The following RTKN variants were observed in gnomAD, a reference collection of about 807,000 sequenced individuals.
The protein encoded by RTKN is rhotekin.
In RTKN, 49 loss-of-function variants were observed where a neutral mutation model predicts 63.5. That is an observed-to-expected ratio of 0.77 (90% CI 0.61 to 0.98). The LOEUF is 0.98. RTKN is among the 50% of genes least tolerant of loss of function. The pLI is 0.00. For synonymous variants in RTKN, 295 were observed against 290.4 expected, an observed-to-expected ratio of 1.02 and a Z score of -0.16; for missense variants, 685 against 740.8, an observed-to-expected ratio of 0.92 and a Z score of 0.87.
intron 1 of RTKN, among the ~76,000 whole-genome samples, chr2:74,438,444 AC>A (rs1435019684): frequency 6.7e-6 from 1 of 150,246 alleles, no homozygotes; most frequent in Non-Finnish European, 1.5e-5. Context: ...CCAACCCTCC[AC>A]CCCCAACCCT....
chr2:74,441,794 C>T lies in RTKN; in HGVS notation c.23G>A (p.Ser8Asn). Residue 8 changes from serine (S) to asparagine (N), a missense_variant, in exon 1 of 12, where the codon AGC becomes AAC. Coordinates refer to ENST00000272430, the MANE Select transcript of RTKN (RefSeq NM_001015055.2). The stretch of plus-strand genomic sequence containing the variant: ...GGAGCCCCTGGCCACGGTGACCCGG[C>T]TCCGGTGGTTTCGGGAGAACATGCT... MFSRNHR[S>N]RVTVARGSAL... 1 of 1,611,212 alleles carries T rather than the reference C, an allele frequency of 6.2e-7. No homozygotes were observed. Among genetic ancestry groups the T allele is most frequent in the South Asian group, 1.1e-5 (1 of 90,428 alleles).
Position 74,428,885 on chromosome 2 carries a change from A to C in RTKN, c.813T>G (p.Asp271Glu). The change falls in exon 7 of 12, where the codon GAT becomes GAG. Residue 271 changes from aspartate to glutamate, a missense_variant. Asp to Glu is a conservative substitution (Grantham distance 45). Coordinates refer to ENST00000272430, the MANE Select transcript of RTKN (RefSeq NM_001015055.2). ...GGGTGAGGTCATGTGTGCGGAATCC[A>C]TCTTGCACTGCTGCCAGGGTGAGTG... ...HTTLTLAAVQ[D>E]GFRTHDLTLA... is the part of the protein sequence containing the mutation. The C allele has an allele frequency of 6.2e-7, 1 of 1,614,124 alleles. No homozygotes were observed. Among genetic ancestry groups the C allele is most frequent in the Non-Finnish European group, 8.5e-7 (1 of 1,180,020 alleles).
chr2:74,427,506 C>T lies in RTKN; in HGVS notation c.1173G>A (p.Glu391=), dbSNP rs759579834. ...TTTCTGTCTGAAGGGTGTGTGTCAC[C>T]TCATCATCCCCATACTGGTTACTGA... is the stretch of plus-strand genomic sequence containing the variant. The part of the protein sequence containing the change: ...LSISNQYGDD[E]VTHTLQTESR... The change falls in exon 10 of 12, where the codon GAG becomes GAA. Residue 391 remains glutamate, a synonymous_variant. Coordinates refer to ENST00000272430, the MANE Select transcript of RTKN (RefSeq NM_001015055.2). The T allele has an allele frequency of 3.7e-6, 6 of 1,614,188 alleles. No homozygotes were observed. The South Asian group carries it at 6.6e-5, about 18-fold the overall frequency.
In RTKN at chr2:74,436,131, G is replaced by A. The variant is rs1364629212; in HGVS notation, c.112-3465C>T. 6.6e-6 allele frequency among the ~76,000 whole-genome samples: 1 copy of A among 152,206 alleles called. No homozygotes were observed. ...AAATGGGTGAGCCTGGCAGGAGGGG[G>A]ACACGGAGGTGTCCTCAACCCCCAT... On this transcript the variant is annotated intron_variant, in intron 1 of 11. Transcript: ENST00000272430. This position sits in a 1 kb window ranked among gnomAD's most constrained non-coding sequence, Gnocchi z 4.3.
In RTKN at chr2:74,432,679, G is replaced by C. The variant is rs780776047; in HGVS notation, c.112-13C>G. 1.9e-6 allele frequency: 3 copies of C among 1,613,170 alleles called. No homozygotes were observed. The South Asian group carries it at 3.3e-5, about 18-fold the overall frequency. The stretch of plus-strand genomic sequence containing the variant: ...GCAACTCCGTGTCCTAGCCAGGGTT[G>C]GGGGAAGGGTGAGAAGGAAATGTCA... On this transcript the variant is annotated splice_polypyrimidine_tract_variant and intron_variant, in intron 1 of 11. Transcript: ENST00000272430.
At chr2:74,441,373 T>C (rs955134882) in intron 1 of RTKN, among the ~76,000 whole-genome samples, 1 of 152,170 alleles carries the variant, frequency 6.6e-6, no homozygotes, top group African/African-American at 2.4e-5. Flanking sequence ...CCCGCCTAGC[T>C]GCCCACCGCC....
chr2:74,428,236 C>T, intron 9 of RTKN, 32 bp downstream of exon 9: 1 of 1,614,054 alleles, frequency 6.2e-7, no homozygotes, highest in Non-Finnish European at 8.5e-7. Flanking sequence ...GGCCTGTGCC[C>T]TTGGTGGCCT....
Position 74,430,652 on chromosome 2 carries a change from C to T in RTKN, c.337G>A (p.Glu113Lys). The change falls in exon 3 of 12, where the codon GAG (glutamate) becomes AAG (lysine). Residue 113 changes from glutamate (E) to lysine (K), a missense_variant. By Grantham distance (56) the Glu-to-Lys change is moderately conservative (BLOSUM62 1). Coordinates refer to ENST00000272430, the MANE Select transcript of RTKN (RefSeq NM_001015055.2). ...RRPSDSGPPA[E>K]RSPCRGRVCI... Reference sequence around the variant, plus strand: ...ACCCGGCCGCGGCAGGGGGAGCGCTCAGCGGGCGGGCCACTGTCAGAAGGC... The same window carrying T: ...ACCCGGCCGCGGCAGGGGGAGCGCTTAGCGGGCGGGCCACTGTCAGAAGGC... 1.2e-6 allele frequency: 2 copies of T among 1,613,234 alleles called. No individual in the cohort carries two copies. Among genetic ancestry groups the T allele is most frequent in the Non-Finnish European group, 8.5e-7 (1 of 1,179,918 alleles).
chr2:74,434,593 C>A (rs1670952659), intron 1 of RTKN, among the ~76,000 whole-genome samples: 1 of 151,974 alleles, frequency 6.6e-6, no homozygotes, highest in Non-Finnish European at 1.5e-5. Flanking sequence ...CTTTTGTATT[C>A]TTAGTAGAGA....
At position 74,436,370 on chromosome 2, in the gene RTKN, C is replaced by G. The variant is rs1200275400; in HGVS notation, c.112-3704G>C. 6.6e-6 allele frequency among the ~76,000 whole-genome samples: 1 copy of G among 152,246 alleles called. No homozygotes were observed. Among genetic ancestry groups the G allele is most frequent in the African/African-American group, 2.4e-5 (1 of 41,468 alleles). On this transcript the variant is annotated intron_variant, in intron 1 of 11. Coordinates refer to ENST00000272430, the MANE Select transcript of RTKN (RefSeq NM_001015055.2). The surrounding 1 kb of genome is among the most constrained non-coding windows in gnomAD (Gnocchi z 4.3). ...CTCAGGACGCCGGTGACATCAGCTCCCAATTGCCGCGAGAGCAACTGAGGG... is the reference window on the plus strand; with the variant it reads ...CTCAGGACGCCGGTGACATCAGCTCGCAATTGCCGCGAGAGCAACTGAGGG...
intron 1 of RTKN, chr2:74,439,824 C>T (rs1671254212): frequency 5.0e-6 from 7 of 1,400,506 alleles, no homozygotes; most frequent in African/African-American, 2.9e-5. Context: ...ATTTTCCTCG[C>T]CCACTGCTGC....
At chr2:74,428,143 T>C (rs1448702384) in intron 9 of RTKN, 125 bp downstream of exon 9, 4 of 1,243,486 alleles carry the variant, frequency 3.2e-6, no homozygotes, top group Non-Finnish European at 4.6e-6. Context: ...AAGCTGGATG[T>C]GGCACTGTCA....
Position 74,441,899 on chromosome 2 carries a change from G to C in RTKN, c.-83C>G. ...CTCCTCTCCTCGGCTTCTGTCTCTC[G>C]ACGCTCGTCCGCCAGTCCGGCCGGG... On this transcript the variant is annotated 5_prime_UTR_variant, in exon 1 of 12. Transcript: ENST00000272430. 1 of 809,222 alleles carries C rather than the reference G, an allele frequency of 1.2e-6. No homozygotes were observed. The allele number at this position is 809,222 out of a possible 1,614,324, so 50.1% of individuals were successfully genotyped here. A position where few individuals can be genotyped will look rare whatever the true frequency, so the allele number is the denominator to read the frequency against.
chr2:74,434,600 G>C (rs940783621), intron 1 of RTKN, among the ~76,000 whole-genome samples: 1 of 152,138 alleles, frequency 6.6e-6, no homozygotes, highest in Admixed American at 6.6e-5. Context: ...ATTCTTAGTA[G>C]AGACAGGGTT....
chr2:74,430,102 G>A, intron 5 of RTKN, 65 bp from the exon 6 acceptor site: 1 of 1,581,596 alleles, frequency 6.3e-7, no homozygotes. Flanking sequence ...TAGGGGATGT[G>A]GGTGAGGCAA....
Position 74,426,393 on chromosome 2 carries a change from C to T in RTKN, c.1542G>A (p.Gly514=), listed in dbSNP as rs1484571691. The change falls in exon 12 of 12, where the codon GGG becomes GGA. Residue 514 remains glycine (G), a synonymous_variant. Coordinates refer to ENST00000272430, the MANE Select transcript of RTKN (RefSeq NM_001015055.2). ...CATCCAGGGAAAAGGTTCGGGGTCT[C>T]CCCCAGGGCAGGGGGTGGGTCCAGT... ...APDWTHPLPW[G]RPRTFSLDAV... The T allele has an allele frequency of 6.2e-7, 1 of 1,611,172 alleles. No individual in the cohort carries two copies. Among genetic ancestry groups the T allele is most frequent in the Non-Finnish European group, 8.5e-7 (1 of 1,178,620 alleles).
intron 1 of RTKN, among the ~76,000 whole-genome samples, chr2:74,438,818 T>C (rs1671194677): frequency 6.6e-6 from 1 of 152,260 alleles, no homozygotes; most frequent in Non-Finnish European, 1.5e-5. Context: ...CTCCCTCATC[T>C]GATTTTCATT....
At chr2:74,438,797 TC>T (rs1671193407) in intron 1 of RTKN, among the ~76,000 whole-genome samples, 1 of 152,234 alleles carries the variant, frequency 6.6e-6, no homozygotes, top group Admixed American at 6.5e-5. Flanking sequence ...GACCTCCACA[TC>T]TAACATTGCC....
At position 74,425,857 on chromosome 2, in the gene RTKN, C is replaced by A; in HGVS notation, c.*386G>T. On this transcript the variant is annotated 3_prime_UTR_variant, in exon 12 of 12. Transcript: ENST00000272430. ...GTCTAGACCAGGCAGAGAGAGGCAC[C>A]CTGTCCTCAGGAGCCAGGTGAAGGC... The A allele has an allele frequency of 7.7e-7, 1 of 1,297,846 alleles. No homozygotes were observed. Among genetic ancestry groups the A allele is most frequent in the East Asian group, 2.4e-5 (1 of 41,748 alleles). The allele number at this position is 1,297,846 out of a possible 1,614,324, so 80.4% of individuals were successfully genotyped here.
Sources: allele counts gnomAD v4.1 joint callset (sites outside exome capture counted in the v4.1 genomes callset), GRCh38; gene constraint gnomAD v4.1.1; non-coding constraint Gnocchi (gnomAD v3.1); transcripts MANE v1.5; gene names NCBI Gene and HGNC (gene_info 2026-07-23, HGNC 2026-07-21).